ZBTB20: variants seen among roughly 807,000 people sequenced by gnomAD.
ZBTB20 encodes the protein zinc finger and BTB domain containing 20.
Under a neutral mutation model 56.9 loss-of-function variants are expected in ZBTB20, and 9 were observed. That is an observed-to-expected ratio of 0.16 (90% CI 0.10 to 0.28). The LOEUF is 0.28. ZBTB20 is among the 10% of genes least tolerant of loss of function. ZBTB20 has a pLI of 1.00. For missense variants in ZBTB20, 655 were observed against 1,003.0 expected, an observed-to-expected ratio of 0.65 and a Z score of 4.69; for synonymous variants, 417 against 420.7, an observed-to-expected ratio of 0.99 and a Z score of 0.11.
At chr3:115,007,078 T>C (rs374737003) in intron 2 of ZBTB20, among the ~76,000 whole-genome samples, 1 of 151,892 alleles carries the variant, frequency 6.6e-6, no homozygotes, top group East Asian at 1.9e-4. Flanking sequence ...GTTCTATCTA[T>C]ATTTCTTTCT....
intron 1 of ZBTB20, among the ~76,000 whole-genome samples, chr3:115,124,663 A>T (rs6782656): frequency 2.0e-5 from 3 of 151,978 alleles, no homozygotes; most frequent in South Asian, 2.1e-4. Context: ...AGAAACAGAA[A>T]ACAGAGCCTA....
intron 6 of ZBTB20, among the ~76,000 whole-genome samples, chr3:114,553,051 C>G (rs1388849802): frequency 6.6e-6 from 1 of 152,160 alleles, no homozygotes; most frequent in African/African-American, 2.4e-5. Context: ...TTTCTTGAGA[C>G]AGTTATATGA....
At chr3:114,373,316 C>A (rs775308466) in intron 10 of ZBTB20, among the ~76,000 whole-genome samples, 4 of 152,160 alleles carry the variant, frequency 2.6e-5, no homozygotes, top group African/African-American at 7.2e-5. Context: ...ATTTGGAAAG[C>A]AAATGTCTCT....
At position 114,413,840 on chromosome 3, in the gene ZBTB20, T is replaced by A. The variant is rs2088236297; in HGVS notation, c.-254-24735A>T. On this transcript the variant is annotated intron_variant, in intron 7 of 11. Coordinates refer to ENST00000675478, the MANE Select transcript of ZBTB20 (RefSeq NM_001348800.3). ...AAATTAACAAAGGTCACACAGCTGG[T>A]AAATGGCAGATTTGGGATTTGAATT... Among the ~76,000 whole-genome samples, 3 of 152,272 alleles carry A rather than the reference T, an allele frequency of 2.0e-5. No homozygotes were observed. In the South Asian group the frequency reaches 6.2e-4, roughly 32 times the overall value.
At chr3:114,468,974 T>G (rs946254254) in intron 7 of ZBTB20, among the ~76,000 whole-genome samples, 2 of 132,120 alleles carry the variant, frequency 1.5e-5, no homozygotes, top group African/African-American at 3.0e-5. Flanking sequence ...TGGATGCAGA[T>G]CTAATGTTGT....
chr3:114,413,983 G>C (rs2088252378), intron 7 of ZBTB20, among the ~76,000 whole-genome samples: 1 of 152,056 alleles, frequency 6.6e-6, no homozygotes, highest in Admixed American at 6.6e-5. Context: ...ATGAAGTCTT[G>C]CTCTTCATTT....
intron 4 of ZBTB20, among the ~76,000 whole-genome samples, chr3:114,877,481 C>T (rs540586241): frequency 7.9e-4 from 120 of 152,278 alleles, no homozygotes; most frequent in African/African-American, 2.5e-3. Flanking sequence ...AGTCAGTGTT[C>T]TTGGGCAAAT....
At chr3:114,897,862 T>C (rs1298870909) in intron 4 of ZBTB20, among the ~76,000 whole-genome samples, 1 of 152,112 alleles carries the variant, frequency 6.6e-6, no homozygotes, top group African/African-American at 2.4e-5. Flanking sequence ...TTTAATGCAA[T>C]AGATAACTGG....
At chr3:114,578,762 A>G (rs1296079613) in intron 6 of ZBTB20, among the ~76,000 whole-genome samples, 2 of 151,804 alleles carry the variant, frequency 1.3e-5, no homozygotes, top group Non-Finnish European at 1.5e-5. Context: ...AAATATATGT[A>G]TTACCCAAGG....
intron 7 of ZBTB20, among the ~76,000 whole-genome samples, chr3:114,475,190 T>A (rs2040602983): frequency 6.6e-6 from 1 of 152,186 alleles, no homozygotes; most frequent in Non-Finnish European, 1.5e-5. Flanking sequence ...GCTTTTCTCA[T>A]GATAGAGTAA....
rs1193499915 is a variant in ZBTB20 at position 115,071,258 on chromosome 3, T to C, written c.-546A>G. The C allele has an allele frequency of 6.6e-6, 1 of 152,112 alleles. No individual in the cohort carries two copies. Among genetic ancestry groups the C allele is most frequent in the African/African-American group, 2.4e-5 (1 of 41,428 alleles). 9.4% of individuals were successfully genotyped at this position (152,112 alleles called of 1,614,324 possible). A position where few individuals can be genotyped will look rare whatever the true frequency, so the allele number is the denominator to read the frequency against. The stretch of plus-strand genomic sequence containing the variant: ...CGGAGCAGAAATAGAGAATTCTTGA[T>C]TAACCAGGAGAAGAATATCATAGGC... On this transcript the variant is annotated 5_prime_UTR_variant, in exon 2 of 12. Coordinates refer to ENST00000675478, the MANE Select transcript of ZBTB20 (RefSeq NM_001348800.3).
intron 10 of ZBTB20, among the ~76,000 whole-genome samples, chr3:114,362,265 C>T (rs6801183): frequency 0.33 from 50,905 of 151,978 alleles, 9,135 homozygotes; most frequent in Non-Finnish European, 0.4. Context: ...TCTGTCTTAT[C>T]TCTCTAAGAC....
intron 6 of ZBTB20, among the ~76,000 whole-genome samples, chr3:114,667,714 A>T (rs1029852140): frequency 1.3e-5 from 2 of 152,048 alleles, no homozygotes; most frequent in African/African-American, 4.8e-5. Flanking sequence ...TATATTCCAG[A>T]TTTAGGAATT....
intron 7 of ZBTB20, among the ~76,000 whole-genome samples, chr3:114,447,235 C>T (rs888143939): frequency 6.6e-6 from 1 of 152,140 alleles, no homozygotes; most frequent in Non-Finnish European, 1.5e-5. Context: ...TGTCACAATT[C>T]AGAACTTGTA....
intron 2 of ZBTB20, among the ~76,000 whole-genome samples, chr3:115,016,485 T>C (rs779069868): frequency 7.2e-5 from 11 of 151,980 alleles, no homozygotes; most frequent in Non-Finnish European, 1.5e-4. Context: ...GGGTTAATTT[T>C]TGTATAAGGT....
At chr3:114,714,832 G>T (rs182250856) in intron 5 of ZBTB20, among the ~76,000 whole-genome samples, 1 of 152,314 alleles carries the variant, frequency 6.6e-6, no homozygotes. Flanking sequence ...AATTTAGGAT[G>T]ATAAATCACA....
In ZBTB20 at chr3:115,069,638, T is replaced by C. The variant is rs149592647; in HGVS notation, c.-507+1581A>G. ...TAGAAAATGGACAGAATGTCTCTGCTAACCTAAACAGAACTAGTATGTGTT... is the reference window on the plus strand; with the variant it reads ...TAGAAAATGGACAGAATGTCTCTGCCAACCTAAACAGAACTAGTATGTGTT... On this transcript the variant is annotated intron_variant, in intron 2 of 11. Coordinates refer to ENST00000675478, the MANE Select transcript of ZBTB20 (RefSeq NM_001348800.3). 4.6e-5 allele frequency among the ~76,000 whole-genome samples: 7 copies of C among 152,260 alleles called. No individual in the cohort carries two copies. In the East Asian group the frequency reaches 1.4e-3, roughly 29 times the overall value.
chr3:114,873,409 T>C (rs2076078503), intron 4 of ZBTB20, among the ~76,000 whole-genome samples: 1 of 152,308 alleles, frequency 6.6e-6, no homozygotes, highest in African/African-American at 2.4e-5. Context: ...TAGATGTTAC[T>C]AAATTTATTT....
chr3:114,399,626 T>G (rs2086642877), intron 7 of ZBTB20, among the ~76,000 whole-genome samples: 1 of 152,134 alleles, frequency 6.6e-6, no homozygotes. Flanking sequence ...TCTGGGCAAT[T>G]TACACATGTG....
Sources: gnomAD v4.1 joint callset for allele counts (sites outside exome capture counted in the v4.1 genomes callset) on GRCh38, gnomAD v4.1.1 for gene constraint, MANE v1.5 for transcripts, NCBI Gene and HGNC (gene_info 2026-07-23, HGNC 2026-07-21) for gene names.